Variants in MGAT4C observed in about 807,000 individuals in gnomAD.
MGAT4C encodes alpha-1,3-mannosyl-glycoprotein 4-beta-N-acetylglucosaminyltransferase C.
MGAT4C carries 19 observed loss-of-function variants against 40.1 expected under a neutral mutation model. The observed-to-expected ratio is 0.47, with a 90% CI of 0.33 to 0.70. The LOEUF (loss-of-function observed/expected upper bound fraction) is 0.70. Among genes scored for constraint, MGAT4C ranks in the 30% least tolerant of loss-of-function variants. The pLI is 0.02. For missense variants in MGAT4C, 491 were observed against 563.2 expected (o/e 0.87, Z 1.30); for synonymous variants, 181 against 187.1 (o/e 0.97, Z 0.27).
chr12:86,009,529 T>C (rs1314668887), intron 2 of MGAT4C, among the ~76,000 whole-genome samples: 1 of 152,180 alleles, frequency 6.6e-6, no homozygotes, highest in Non-Finnish European at 1.5e-5. Flanking sequence ...TCACTCTCCT[T>C]GTATTGCAAC....
intron 1 of MGAT4C, among the ~76,000 whole-genome samples, chr12:86,182,646 C>A (rs994885888): frequency 3.3e-5 from 5 of 152,034 alleles, no homozygotes; most frequent in African/African-American, 1.2e-4. Flanking sequence ...TCCTTTATTT[C>A]CTCCATTTTG....
At chr12:86,555,279 A>G (rs191953155) in intron 2 of MGAT4C, among the ~76,000 whole-genome samples, 34 of 152,310 alleles carry the variant, frequency 2.2e-4, no homozygotes, top group Admixed American at 1.5e-3. Flanking sequence ...CCAAAAAAAG[A>G]CAGTAATTGT....
chr12:86,781,130 AT>A (rs56326438), intron 1 of MGAT4C, among the ~76,000 whole-genome samples: 8 of 151,952 alleles, frequency 5.3e-5, no homozygotes, highest in Non-Finnish European at 7.4e-5. Context: ...CAAGCACAAG[AT>A]TTTTTTTATA....
chr12:86,543,147 A>C (rs547610424), intron 2 of MGAT4C, among the ~76,000 whole-genome samples: 1 of 151,972 alleles, frequency 6.6e-6, no homozygotes, highest in South Asian at 2.1e-4. Context: ...AAGAGCGTTG[A>C]TGAGTAAATT....
intron 2 of MGAT4C, among the ~76,000 whole-genome samples, chr12:86,482,019 T>C (rs1957945768): frequency 6.6e-6 from 1 of 151,002 alleles, no homozygotes; most frequent in Non-Finnish European, 1.5e-5. Flanking sequence ...ATTTCTAGGT[T>C]GTAAAACAGT....
intron 3 of MGAT4C, among the ~76,000 whole-genome samples, chr12:86,404,165 AGAGT>A (rs1203039722): frequency 6.6e-6 from 1 of 152,178 alleles, no homozygotes; most frequent in Non-Finnish European, 1.5e-5. Flanking sequence ...CCTGGGCAAC[AGAGT>A]GAGATCCTGT....
intron 4 of MGAT4C, among the ~76,000 whole-genome samples, chr12:86,312,393 C>T (rs963112011): frequency 4.6e-5 from 7 of 152,208 alleles, no homozygotes; most frequent in African/African-American, 1.7e-4. Flanking sequence ...GTTGTTAACA[C>T]AGCTGCTTGC....
chr12:86,006,337 T>C (rs1887873124), intron 2 of MGAT4C, among the ~76,000 whole-genome samples: 1 of 152,166 alleles, frequency 6.6e-6, no homozygotes, highest in African/African-American at 2.4e-5. Flanking sequence ...TTTCTAACCA[T>C]TAATTTTTTT....
chr12:86,725,643 A>G (rs139024597), intron 2 of MGAT4C, among the ~76,000 whole-genome samples: 2 of 152,116 alleles, frequency 1.3e-5, no homozygotes, highest in East Asian at 1.9e-4. Context: ...TTTGTATTTC[A>G]GTAGAGATGG....
chr12:86,791,210 T>A (rs1952014997), intron 1 of MGAT4C, among the ~76,000 whole-genome samples: 1 of 151,986 alleles, frequency 6.6e-6, no homozygotes, highest in Non-Finnish European at 1.5e-5. Context: ...TGCCAAAAAT[T>A]CTCTCTGAAA....
At chr12:86,629,610 C>T (rs1055370308) in intron 2 of MGAT4C, among the ~76,000 whole-genome samples, 17 of 152,232 alleles carry the variant, frequency 1.1e-4, no homozygotes, top group South Asian at 1.0e-3. Context: ...CACTCAAAAC[C>T]GCCCAACTAC....
chr12:86,178,138 G>T (rs200857882), intron 1 of MGAT4C, among the ~76,000 whole-genome samples: 1 of 152,072 alleles, frequency 6.6e-6, no homozygotes, highest in Non-Finnish European at 1.5e-5. Context: ...GGGTTTCACC[G>T]TGTTAGCCAG....
chr12:86,476,078 A>C (rs571142101), intron 2 of MGAT4C, among the ~76,000 whole-genome samples: 1 of 152,148 alleles, frequency 6.6e-6, no homozygotes, highest in Non-Finnish European at 1.5e-5. Flanking sequence ...GTGTGTTAAC[A>C]GTACCTAAAA....
At chr12:86,686,257 G>A (rs1464985823) in intron 2 of MGAT4C, among the ~76,000 whole-genome samples, 1 of 151,898 alleles carries the variant, frequency 6.6e-6, no homozygotes, top group Non-Finnish European at 1.5e-5. Flanking sequence ...GGAGTTTGGG[G>A]GCTGAGACAA....
At position 86,592,869 on chromosome 12, in the gene MGAT4C, A is replaced by C. The variant is rs151129456; in HGVS notation, c.-229+134340T>G. Among the ~76,000 whole-genome samples, 4 of 152,318 alleles carry C rather than the reference A, an allele frequency of 2.6e-5. No homozygotes were observed. The East Asian group carries it at 7.7e-4, about 29-fold the overall frequency. On this transcript the variant is annotated intron_variant, in intron 2 of 7. Coordinates refer to the MGAT4C transcript ENST00000548651. The stretch of plus-strand genomic sequence containing the variant: ...TTCTGTTCTCCTAGCCAAACCCTTA[A>C]TGATATATCAACATTTACCTTTATT...
At chr12:86,332,953 A>G (rs115644111) in intron 4 of MGAT4C, among the ~76,000 whole-genome samples, 231 of 152,258 alleles carry the variant, frequency 1.5e-3, no homozygotes, top group African/African-American at 5.4e-3. Flanking sequence ...CATCTAACAT[A>G]TGTTCAAGTT....
intron 3 of MGAT4C, among the ~76,000 whole-genome samples, chr12:86,406,933 C>A (rs542243642): frequency 1.3e-5 from 2 of 152,148 alleles, no homozygotes; most frequent in Middle Eastern, 6.8e-3. Flanking sequence ...TATGTCAGAT[C>A]CATAGGTTGT....
intron 3 of MGAT4C, among the ~76,000 whole-genome samples, chr12:86,385,811 T>C (rs540127169): frequency 1.3e-5 from 2 of 152,328 alleles, no homozygotes; most frequent in East Asian, 1.9e-4. Context: ...AGATAATACC[T>C]CCTCACGGTA....
chr12:86,730,877 T>C (rs776553356), intron 1 of MGAT4C, among the ~76,000 whole-genome samples: 6 of 152,240 alleles, frequency 3.9e-5, no homozygotes, highest in Non-Finnish European at 8.8e-5. Flanking sequence ...ATATAATAGA[T>C]GTTGTGCTTA....
Sources: allele counts gnomAD v4.1 joint callset (sites outside exome capture counted in the v4.1 genomes callset), GRCh38; gene constraint gnomAD v4.1.1; transcripts MANE v1.5; gene names NCBI Gene and HGNC (gene_info 2026-07-23, HGNC 2026-07-21).